The following KIF5C variants were observed in gnomAD, a reference collection of about 807,000 sequenced individuals.
KIF5C encodes kinesin family member 5C, also known as kinesin heavy chain isoform 5C.
In KIF5C, 18 loss-of-function variants were observed where a neutral mutation model predicts 125.2. That is an observed-to-expected ratio of 0.14 (90% CI 0.10 to 0.21). The LOEUF (loss-of-function observed/expected upper bound fraction) is 0.21, where lower values mean the gene tolerates loss of function less well. KIF5C is among the 10% of genes least tolerant of loss of function. The probability of loss-of-function intolerance (pLI) is 1.00; values close to 1 mark genes in which losing one functional copy is unlikely to be tolerated. For missense variants in KIF5C, 780 were observed against 1,183.8 expected, an observed-to-expected ratio of 0.66 and a Z score of 5.01; for synonymous variants, 405 against 434.0, an observed-to-expected ratio of 0.93 and a Z score of 0.83.
At chr2:148,901,753 C>T (rs1022266226) in intron 1 of KIF5C, among the ~76,000 whole-genome samples, 1 of 152,158 alleles carries the variant, frequency 6.6e-6, no homozygotes, top group Non-Finnish European at 1.5e-5. Context: ...AGCACTTGGT[C>T]CCTCCATCCC....
chr2:149,000,193 A>G (rs990241517), intron 19 of KIF5C: 17 of 430,386 alleles, frequency 3.9e-5, no homozygotes, highest in Admixed American at 1.2e-4. Context: ...CAAACTATAA[A>G]TACATCCTCA....
intron 25 of KIF5C, among the ~76,000 whole-genome samples, chr2:149,019,050 T>C (rs1383674261): frequency 2.6e-5 from 4 of 152,228 alleles, no homozygotes; most frequent in Non-Finnish European, 4.4e-5. Context: ...TTGTTTTACA[T>C]TTTTGCAAAT....
intron 10 of KIF5C, among the ~76,000 whole-genome samples, chr2:148,957,323 C>T (rs1320049632): frequency 6.8e-6 from 1 of 148,088 alleles, no homozygotes; most frequent in East Asian, 1.9e-4. Flanking sequence ...AAGGAGGAAA[C>T]TGATTTTTTT....
At chr2:148,915,815 C>T (rs566550357) in intron 1 of KIF5C, among the ~76,000 whole-genome samples, 1 of 152,308 alleles carries the variant, frequency 6.6e-6, no homozygotes, top group East Asian at 1.9e-4. Flanking sequence ...ATAGAGTGCG[C>T]CATCACGTGA....
intron 1 of KIF5C, among the ~76,000 whole-genome samples, chr2:148,909,305 G>T (rs1455704390): frequency 6.6e-6 from 1 of 152,220 alleles, no homozygotes; most frequent in African/African-American, 2.4e-5. Flanking sequence ...CCCTGCCGCT[G>T]CTCTTCCCGC....
rs78636475 is a variant in KIF5C, at chr2:148,951,764, C to T, written c.968+1302C>T. 2.2e-3 allele frequency among the ~76,000 whole-genome samples: 331 copies of T among 152,310 alleles called. 10 individuals are homozygous for T. In the East Asian group the frequency reaches 0.053, roughly 25 times the overall value. ...ACTAGCTCATTTGTACATGGATGCA[C>T]AGAGCACTTCCCTGCCTTCTCCCTG... is the stretch of plus-strand genomic sequence containing the variant. On this transcript the variant is annotated intron_variant, in intron 10 of 25. Transcript: ENST00000435030.
At chr2:149,009,239 C>T (rs1682109161) in intron 23 of KIF5C, among the ~76,000 whole-genome samples, 1 of 152,072 alleles carries the variant, frequency 6.6e-6, no homozygotes, top group Admixed American at 6.5e-5. Flanking sequence ...ATCCGCCCAC[C>T]TTGACCTCCC....
chr2:148,917,579 G>C (rs1373123849), intron 1 of KIF5C, among the ~76,000 whole-genome samples: 2 of 152,192 alleles, frequency 1.3e-5, no homozygotes, highest in East Asian at 3.8e-4. Flanking sequence ...TGATGGTGTT[G>C]GTGACAGTGT....
At chr2:148,969,029 C>T (rs1680823122) in intron 11 of KIF5C, among the ~76,000 whole-genome samples, 2 of 152,128 alleles carry the variant, frequency 1.3e-5, no homozygotes, top group African/African-American at 2.4e-5. Flanking sequence ...TTTCTGTGTT[C>T]TCCTGAGGCT....
intron 7 of KIF5C, among the ~76,000 whole-genome samples, chr2:148,945,050 A>G (rs139769098): frequency 4.7e-4 from 72 of 152,240 alleles, no homozygotes; most frequent in African/African-American, 1.6e-3. Context: ...TCAATCCCTT[A>G]TTAGATATAT....
chr2:148,963,446 A>G (rs1191454064), intron 11 of KIF5C, among the ~76,000 whole-genome samples: 1 of 152,198 alleles, frequency 6.6e-6, no homozygotes, highest in Non-Finnish European at 1.5e-5. Flanking sequence ...TAGAAAAACA[A>G]TTACGTGGCA....
At chr2:148,957,257 A>G (rs1682813190) in intron 10 of KIF5C, among the ~76,000 whole-genome samples, 2 of 152,238 alleles carry the variant, frequency 1.3e-5, no homozygotes, top group African/African-American at 2.4e-5. Context: ...CCAAACCACA[A>G]CAAGACAGCA....
chr2:148,905,809 C>T lies in KIF5C; in HGVS notation c.127-16328C>T, dbSNP rs191719990. 1.6e-3 allele frequency among the ~76,000 whole-genome samples: 248 copies of T among 152,232 alleles called. 1 individual carries two copies. Among genetic ancestry groups the T allele is most frequent in the African/African-American group, 5.8e-3 (240 of 41,544 alleles). ...AAGAAAAAGAGGTTTAATGGACTTA[C>T]AGTTCTGCATGGCTGGGGAGGCCTC... On this transcript the variant is annotated intron_variant, in intron 1 of 25. Transcript: ENST00000435030.
At chr2:149,021,414 TC>T (rs1271648984) in intron 25 of KIF5C, among the ~76,000 whole-genome samples, 2 of 151,994 alleles carry the variant, frequency 1.3e-5, no homozygotes, top group Non-Finnish European at 2.9e-5. Flanking sequence ...TTTTTTTTTT[TC>T]TATTCAGTTT....
At chr2:148,892,963 A>G (rs1681748261) in intron 1 of KIF5C, among the ~76,000 whole-genome samples, 1 of 152,136 alleles carries the variant, frequency 6.6e-6, no homozygotes, top group African/African-American at 2.4e-5. Flanking sequence ...GTAGACTTTT[A>G]CTTTCTTTTT....
At chr2:149,021,626 A>G (rs552629079) in intron 25 of KIF5C, among the ~76,000 whole-genome samples, 2 of 152,200 alleles carry the variant, frequency 1.3e-5, no homozygotes, top group Admixed American at 6.5e-5. Context: ...GGAATCTGAG[A>G]TATTACCACA....
intron 23 of KIF5C, 136 bp downstream of exon 23, chr2:149,008,203 G>A: frequency 8.6e-7 from 1 of 1,163,170 alleles, no homozygotes; most frequent in Non-Finnish European, 1.1e-6. Flanking sequence ...AGGACATGAG[G>A]GCTGGAAAGG....
At chr2:148,973,302 T>G (rs779594554) in intron 11 of KIF5C, 34 bp from the exon 12 acceptor site, 1 of 1,584,522 alleles carries the variant, frequency 6.3e-7, no homozygotes, top group South Asian at 1.2e-5. Flanking sequence ...CTCAATTTCT[T>G]TAATCCCCAA....
chr2:149,022,470 G>GAA (rs112003256), intron 25 of KIF5C, among the ~76,000 whole-genome samples: 16 of 148,070 alleles, frequency 1.1e-4, no homozygotes, highest in African/African-American at 2.7e-4. Context: ...ACTATTGTGT[G>GAA]AAAAAAAAAA....
Sources: allele counts gnomAD v4.1 joint callset (sites outside exome capture counted in the v4.1 genomes callset), GRCh38; gene constraint gnomAD v4.1.1; transcripts MANE v1.5; gene names NCBI Gene and HGNC (gene_info 2026-07-23, HGNC 2026-07-21).